Variants in GPC6 observed in about 807,000 individuals in gnomAD.
GPC6 encodes the protein glypican 6.
Under a neutral mutation model 55.2 loss-of-function variants are expected in GPC6, and 14 were observed. The ratio of observed to expected loss-of-function variants is 0.25; its 90% CI spans 0.17 to 0.40. The LOEUF is 0.40. Among genes scored for constraint, GPC6 ranks in the 10% least tolerant of loss-of-function variants. The pLI is 1.00. For synonymous variants in GPC6, 278 were observed against 259.6 expected (o/e 1.07, Z -0.68); for missense variants, 641 against 708.5 (o/e 0.90, Z 1.08).
At chr13:94,110,863 TTTTG>T (rs1299266291) in intron 4 of GPC6, among the ~76,000 whole-genome samples, 5 of 152,198 alleles carry the variant, frequency 3.3e-5, no homozygotes, top group Middle Eastern at 3.4e-3. Context: ...GTACAAGAAT[TTTTG>T]TTTATTTATT....
intron 1 of GPC6, among the ~76,000 whole-genome samples, chr13:93,304,158 G>A (rs559625897): frequency 6.6e-6 from 1 of 152,118 alleles, no homozygotes; most frequent in African/African-American, 2.4e-5. Flanking sequence ...GAGCTACTGC[G>A]CCTGGCCGTA....
chr13:93,728,465 T>A (rs905404143), intron 2 of GPC6, among the ~76,000 whole-genome samples: 2 of 151,526 alleles, frequency 1.3e-5, no homozygotes, highest in Non-Finnish European at 2.9e-5. Context: ...GGTTTTGAAC[T>A]CCTGGGCTCA....
At chr13:93,383,546 T>G (rs1237475129) in intron 1 of GPC6, among the ~76,000 whole-genome samples, 1 of 152,188 alleles carries the variant, frequency 6.6e-6, no homozygotes, top group Admixed American at 6.5e-5. Flanking sequence ...TGAAAAAGCT[T>G]GGCTCCCAGC....
intron 2 of GPC6, among the ~76,000 whole-genome samples, chr13:93,594,485 CT>C (rs1438531594): frequency 1.3e-5 from 2 of 151,988 alleles, no homozygotes; most frequent in Non-Finnish European, 2.9e-5. Context: ...TTTAAAAGTA[CT>C]GTGACTGATT....
At chr13:93,890,023 C>G (rs908540410) in intron 3 of GPC6, among the ~76,000 whole-genome samples, 1 of 151,910 alleles carries the variant, frequency 6.6e-6, no homozygotes, top group African/African-American at 2.4e-5. Context: ...GCAGAGAAAC[C>G]AAAGCATGCA....
At chr13:93,711,246 T>A (rs1222540996) in intron 2 of GPC6, among the ~76,000 whole-genome samples, 2 of 151,784 alleles carry the variant, frequency 1.3e-5, no homozygotes, top group East Asian at 3.9e-4. Flanking sequence ...TGACTCACAG[T>A]TCCACATGGC....
intron 4 of GPC6, among the ~76,000 whole-genome samples, chr13:94,036,412 T>C (rs1314177722): frequency 1.3e-5 from 2 of 151,926 alleles, no homozygotes; most frequent in Non-Finnish European, 2.9e-5. Context: ...GAAAGAGAAA[T>C]GAAAAGTAAG....
chr13:93,957,493 G>C (rs1045977078), intron 3 of GPC6, among the ~76,000 whole-genome samples: 1 of 152,128 alleles, frequency 6.6e-6, no homozygotes, highest in African/African-American at 2.4e-5. Context: ...TTCTGTTCCT[G>C]CATTAGTTGG....
chr13:93,913,733 T>G (rs1247803069), intron 3 of GPC6, among the ~76,000 whole-genome samples: 1 of 152,190 alleles, frequency 6.6e-6, no homozygotes, highest in African/African-American at 2.4e-5. Flanking sequence ...ATTTTTACAC[T>G]GGTAAAGGAG....
At chr13:93,892,886 CAT>C (rs1262488181) in intron 3 of GPC6, among the ~76,000 whole-genome samples, 5 of 151,992 alleles carry the variant, frequency 3.3e-5, no homozygotes, top group African/African-American at 7.3e-5. Flanking sequence ...CATGTGCAAA[CAT>C]GTGTGAACAT....
intron 7 of GPC6, among the ~76,000 whole-genome samples, chr13:94,391,061 G>A (rs1205503915): frequency 6.6e-6 from 1 of 152,116 alleles, no homozygotes; most frequent in Non-Finnish European, 1.5e-5. Context: ...TCCTGCCAAT[G>A]AATTAAGAGG....
In GPC6 at chr13:93,234,814, G is replaced by A. The variant is rs1876179212; in HGVS notation, c.160+7198G>A. On this transcript the variant is annotated intron_variant, in intron 1 of 8. Transcript: ENST00000377047. Reference sequence around the variant, plus strand: ...AAAAATACTTTAGCATAGTTTTTGTGTGCTTCATAATGGAGACAAAACTCA... The same window carrying A: ...AAAAATACTTTAGCATAGTTTTTGTATGCTTCATAATGGAGACAAAACTCA... Among the ~76,000 whole-genome samples, 3 of 152,070 alleles carry A rather than the reference G, an allele frequency of 2.0e-5. No individual in the cohort carries two copies. In the South Asian group the frequency reaches 6.2e-4, roughly 32 times the overall value.
At chr13:93,233,904 C>T (rs1462597487) in intron 1 of GPC6, among the ~76,000 whole-genome samples, 2 of 152,120 alleles carry the variant, frequency 1.3e-5, no homozygotes, top group Admixed American at 6.6e-5. Context: ...GTAAGTTGTT[C>T]CCTTTTTCAC....
At chr13:93,510,364 A>G (rs1410786845) in intron 1 of GPC6, among the ~76,000 whole-genome samples, 3 of 151,660 alleles carry the variant, frequency 2.0e-5, no homozygotes, top group Non-Finnish European at 4.4e-5. Flanking sequence ...TCCACTCTCT[A>G]CCTCCATGTG....
chr13:93,479,256 A>G (rs1361867187), intron 1 of GPC6, among the ~76,000 whole-genome samples: 1 of 152,162 alleles, frequency 6.6e-6, no homozygotes, highest in Non-Finnish European at 1.5e-5. Flanking sequence ...TCCAAAAACT[A>G]TAGATTTAAA....
chr13:94,228,577 A>G (rs1489075903), intron 4 of GPC6, among the ~76,000 whole-genome samples: 6 of 152,136 alleles, frequency 3.9e-5, no homozygotes, highest in Admixed American at 2.0e-4. Flanking sequence ...AGTGTGATAT[A>G]GCCTTGGTGT....
At chr13:94,031,064 A>G (rs114457780) in intron 4 of GPC6, among the ~76,000 whole-genome samples, 119 of 148,338 alleles carry the variant, frequency 8.0e-4, no homozygotes, top group African/African-American at 2.4e-3. Context: ...GTGCGTGTGC[A>G]TGTGCGTGTG....
intron 3 of GPC6, among the ~76,000 whole-genome samples, chr13:94,012,423 T>C (rs111336626): frequency 0.017 from 2,529 of 152,266 alleles, 64 homozygotes; most frequent in African/African-American, 0.052. Flanking sequence ...AATCCATATG[T>C]GTGCTAACAA....
At chr13:93,449,838 A>G (rs1211091593) in intron 1 of GPC6, among the ~76,000 whole-genome samples, 1 of 151,628 alleles carries the variant, frequency 6.6e-6, no homozygotes, top group East Asian at 1.9e-4. Flanking sequence ...AAAAAAGAGT[A>G]AAGTATAAAA....
Sources: gnomAD v4.1 joint callset for allele counts (sites outside exome capture counted in the v4.1 genomes callset) on GRCh38, gnomAD v4.1.1 for gene constraint, MANE v1.5 for transcripts, NCBI Gene and HGNC (gene_info 2026-07-23, HGNC 2026-07-21) for gene names.